The following ADORA2B variants were observed in gnomAD, a reference collection of about 807,000 sequenced individuals.
ADORA2B encodes the protein adenosine A2b receptor.
In ADORA2B, 18 loss-of-function variants were observed where a neutral mutation model predicts 20.8. That is an observed-to-expected ratio of 0.87 (90% CI 0.60 to 1.29). ADORA2B has a LOEUF of 1.29. Ranked by LOEUF, ADORA2B falls within the 50% of genes most tolerant of loss-of-function variation. The pLI, the probability that ADORA2B is intolerant of heterozygous loss-of-function variation, is 0.00. For missense variants in ADORA2B, 441 were observed against 422.7 expected, an observed-to-expected ratio of 1.04 and a Z score of -0.38; for synonymous variants, 179 against 178.3, an observed-to-expected ratio of 1.00 and a Z score of -0.03.
At chr17:15,854,296 C>T in the ADORA2B span, among the ~76,000 whole-genome samples, 77 of 152,114 alleles carry the variant, frequency 5.1e-4, no homozygotes, top group African/African-American at 1.7e-3. Context: ...TGGGTTTATT[C>T]GAGGAATGCA....
chr17:15,951,345 C>T (rs1457155342), intron 1 of ADORA2B, among the ~76,000 whole-genome samples: 1 of 152,220 alleles, frequency 6.6e-6, no homozygotes, highest in East Asian at 1.9e-4. Context: ...GCTGCAGACA[C>T]GCGGGACGTG....
chr17:15,882,607 G>C, the ADORA2B span, among the ~76,000 whole-genome samples: 1 of 152,110 alleles, frequency 6.6e-6, no homozygotes, highest in Non-Finnish European at 1.5e-5. Flanking sequence ...CTTACCATGA[G>C]TTAGCCTCAT....
the ADORA2B span, among the ~76,000 whole-genome samples, chr17:15,850,856 A>G: frequency 6.6e-6 from 1 of 152,202 alleles, no homozygotes; most frequent in South Asian, 2.1e-4. Context: ...TATCATTGGA[A>G]TGTGAGCTCC....
chr17:15,856,236 A>G, the ADORA2B span, among the ~76,000 whole-genome samples: 1 of 150,798 alleles, frequency 6.6e-6, no homozygotes, highest in Non-Finnish European at 1.5e-5. Flanking sequence ...CCTCCTCCAC[A>G]TGCACTCTGT....
At chr17:15,920,293 A>G in the ADORA2B span, among the ~76,000 whole-genome samples, 2 of 152,342 alleles carry the variant, frequency 1.3e-5, no homozygotes, top group South Asian at 2.1e-4. Flanking sequence ...GGTGATGGCT[A>G]TACCAAAAGC....
At chr17:15,882,922 A>G in the ADORA2B span, among the ~76,000 whole-genome samples, 2,460 of 152,246 alleles carry the variant, frequency 0.016, 54 homozygotes, top group African/African-American at 0.056. Context: ...CACCATTCAG[A>G]AAAAGGAGGC....
chr17:15,966,076 T>C (rs1370075518), intron 1 of ADORA2B, among the ~76,000 whole-genome samples: 1 of 152,224 alleles, frequency 6.6e-6, no homozygotes, highest in African/African-American at 2.4e-5. Context: ...CCTGTTAATA[T>C]GTGGAATAAG....
the ADORA2B span, among the ~76,000 whole-genome samples, chr17:15,913,366 C>G: frequency 6.6e-6 from 1 of 152,216 alleles, no homozygotes; most frequent in Non-Finnish European, 1.5e-5. Context: ...ACTTGGAATT[C>G]TTCACTGAAC....
the ADORA2B span, among the ~76,000 whole-genome samples, chr17:15,893,579 G>T: frequency 1.3e-5 from 2 of 148,758 alleles, no homozygotes; most frequent in Non-Finnish European, 3.0e-5. Flanking sequence ...AAGCCCTGCT[G>T]GAATCTCACC....
intron 1 of ADORA2B, among the ~76,000 whole-genome samples, chr17:15,966,889 G>T (rs1970125197): frequency 6.6e-6 from 1 of 152,184 alleles, no homozygotes; most frequent in Admixed American, 6.5e-5. Context: ...TGCTTCCCTG[G>T]CCTCACTGCA....
the ADORA2B span, among the ~76,000 whole-genome samples, chr17:15,911,311 A>C: frequency 3.3e-3 from 507 of 152,274 alleles, 3 homozygotes; most frequent in African/African-American, 0.012. Flanking sequence ...GCCTGCTATT[A>C]AAGTGGGGGA....
chr17:15,858,480 G>A, the ADORA2B span, among the ~76,000 whole-genome samples: 4 of 152,176 alleles, frequency 2.6e-5, no homozygotes, highest in Non-Finnish European at 5.9e-5. Flanking sequence ...AGCACTCTTG[G>A]GAAGGAGAAC....
the ADORA2B span, among the ~76,000 whole-genome samples, chr17:15,867,874 T>C: frequency 4.6e-5 from 7 of 151,804 alleles, no homozygotes; most frequent in South Asian, 4.2e-4. Flanking sequence ...GGAGGTGTAC[T>C]CAACAGCTCA....
At chr17:15,890,663 C>T in the ADORA2B span, among the ~76,000 whole-genome samples, 2 of 152,152 alleles carry the variant, frequency 1.3e-5, no homozygotes, top group East Asian at 3.9e-4. Flanking sequence ...AGAAGGGAAA[C>T]TCCTGCAGTG....
At chr17:15,917,231 G>A in the ADORA2B span, among the ~76,000 whole-genome samples, 1 of 152,386 alleles carries the variant, frequency 6.6e-6, no homozygotes, top group African/African-American at 2.4e-5. Flanking sequence ...TTGAACCCGA[G>A]AGATAGAGGC....
At chr17:15,940,830 C>T (rs560240030), upstream of ADORA2B, among the ~76,000 whole-genome samples, 1 of 152,210 alleles carries the variant, frequency 6.6e-6, no homozygotes, top group Non-Finnish European at 1.5e-5. Flanking sequence ...TCATGATAAA[C>T]GGTAGGGAGG....
chr17:15,961,433 T>C (rs1326820006), intron 1 of ADORA2B, among the ~76,000 whole-genome samples: 2 of 152,172 alleles, frequency 1.3e-5, no homozygotes, highest in Admixed American at 1.3e-4. Flanking sequence ...AGTCAGTCCA[T>C]TAAGTAAGAA....
chr17:15,901,783 A>G, the ADORA2B span, among the ~76,000 whole-genome samples: 1,522 of 152,248 alleles, frequency 1.0e-2, 36 homozygotes, highest in African/African-American at 0.034. Context: ...TTATATTGTA[A>G]TTTATCTGAT....
the ADORA2B span, among the ~76,000 whole-genome samples, chr17:15,885,021 A>G: frequency 6.6e-6 from 1 of 152,176 alleles, no homozygotes; most frequent in Non-Finnish European, 1.5e-5. Flanking sequence ...GATTGAACAA[A>G]TTTACACTCC....
Sources: gnomAD v4.1 joint callset for allele counts (sites outside exome capture counted in the v4.1 genomes callset) on GRCh38, gnomAD v4.1.1 for gene constraint, MANE v1.5 for transcripts, NCBI Gene and HGNC (gene_info 2026-07-23, HGNC 2026-07-21) for gene names.